Variants in ANK3 observed in about 807,000 individuals in gnomAD.
ANK3 encodes ankyrin 3, also known as ankyrin-3.
A neutral mutation model predicts 370.9 loss-of-function variants in ANK3; 57 were observed. The ratio of observed to expected loss-of-function variants is 0.15; its 90% CI spans 0.12 to 0.19. The LOEUF (loss-of-function observed/expected upper bound fraction) is 0.19, where lower values mean the gene tolerates loss of function less well. ANK3 is among the 10% of genes least tolerant of loss of function. The pLI is 1.00. For synonymous variants in ANK3, 1,929 were observed against 1,946.3 expected, an observed-to-expected ratio of 0.99 and a Z score of 0.23; for missense variants, 4,439 against 5,302.1, an observed-to-expected ratio of 0.84 and a Z score of 5.06.
intron 21 of ANK3, among the ~76,000 whole-genome samples, chr10:60,167,661 TTTTTTG>T (rs201704863): frequency 0.015 from 2,269 of 152,230 alleles, 68 homozygotes; most frequent in African/African-American, 0.052. Flanking sequence ...AGTGAGTTTT[TTTTTTG>T]TTTTGTTTTG....
At chr10:60,566,208 C>T (rs1303333295) in intron 2 of ANK3, among the ~76,000 whole-genome samples, 1 of 152,124 alleles carries the variant, frequency 6.6e-6, no homozygotes, top group Non-Finnish European at 1.5e-5. Flanking sequence ...TATGTGTGTT[C>T]TGACTGCTCC....
rs55680239 is a variant in ANK3 at position 60,108,898 on chromosome 10, G to A, written c.3105C>T (p.Pro1035=). The change falls in exon 27 of 44, where the codon CCC becomes CCT. Residue 1035 remains proline, a synonymous_variant. Transcript: ENST00000280772. ...VKRHKLANPP[P]MVEGEGLASR... is the part of the protein sequence containing the mutation. The stretch of plus-strand genomic sequence containing the variant: ...TGGCTAATCCCTCTCCTTCCACCAT[G>A]GGGGGTGGGTTGGCCAGTTTATGTC... The A allele has an allele frequency of 1.8e-5, 29 of 1,613,920 alleles. No individual in the cohort carries two copies. The African/African-American group carries it at 2.9e-4, about 16-fold the overall frequency.
At chr10:60,267,279 T>C (rs1334627403) in intron 5 of ANK3, among the ~76,000 whole-genome samples, 2 of 152,164 alleles carry the variant, frequency 1.3e-5, no homozygotes, top group Non-Finnish European at 2.9e-5. Context: ...ATACAGTAAT[T>C]AGAATATCAT....
chr10:60,459,768 A>G (rs1260971993), intron 2 of ANK3, among the ~76,000 whole-genome samples: 1 of 152,132 alleles, frequency 6.6e-6, no homozygotes, highest in Non-Finnish European at 1.5e-5. Flanking sequence ...AGTTCCTTCA[A>G]TGGGCTCCTA....
chr10:60,575,481 A>G (rs1174433583), intron 2 of ANK3, among the ~76,000 whole-genome samples: 3 of 152,218 alleles, frequency 2.0e-5, no homozygotes, highest in African/African-American at 7.2e-5. Flanking sequence ...ATCAGGTCTG[A>G]CAGAAAACCC....
rs543944677 is a variant in ANK3 at position 60,237,814 on chromosome 10, T to C, written c.799-3028A>G. Reference sequence around the variant, plus strand: ...CAGCGTTGTAAAGGACCTGAACTTCTGTAATTTCATTTTACCCTCACAGCA... The same window carrying C: ...CAGCGTTGTAAAGGACCTGAACTTCCGTAATTTCATTTTACCCTCACAGCA... On this transcript the variant is annotated intron_variant, in intron 7 of 43. Coordinates refer to ENST00000280772, the MANE Select transcript of ANK3 (RefSeq NM_020987.5). 7.7e-4 allele frequency among the ~76,000 whole-genome samples: 117 copies of C among 152,318 alleles called. 1 individual carries two copies. The highest frequency in any genetic ancestry group is 2.8e-3 in the African/African-American group (115 of 41,560).
chr10:60,296,051 C>T (rs915430385), intron 1 of ANK3, among the ~76,000 whole-genome samples: 3 of 152,118 alleles, frequency 2.0e-5, no homozygotes, highest in Non-Finnish European at 4.4e-5. Context: ...AACATTTAAG[C>T]AAAAGGCAAG....
chr10:60,253,465 A>G (rs992093824), intron 7 of ANK3, among the ~76,000 whole-genome samples: 2 of 152,250 alleles, frequency 1.3e-5, no homozygotes, highest in Non-Finnish European at 2.9e-5. Context: ...ATAAATGGAC[A>G]TCAGATAAAA....
intron 1 of ANK3, among the ~76,000 whole-genome samples, chr10:60,680,856 T>C (rs1162329297): frequency 6.6e-6 from 1 of 152,178 alleles, no homozygotes; most frequent in Non-Finnish European, 1.5e-5. Flanking sequence ...CATGCCTCAG[T>C]TTCTTTAACT....
At chr10:60,237,656 T>G (rs2097354686) in intron 7 of ANK3, among the ~76,000 whole-genome samples, 1 of 152,042 alleles carries the variant, frequency 6.6e-6, no homozygotes, top group Non-Finnish European at 1.5e-5. Flanking sequence ...TTAGGGTACA[T>G]GTGCACAATG....
At chr10:60,686,509 G>A (rs950756116) in intron 1 of ANK3, among the ~76,000 whole-genome samples, 2 of 152,074 alleles carry the variant, frequency 1.3e-5, no homozygotes, top group Admixed American at 6.5e-5. Context: ...GCAATATCTT[G>A]TATAGTTAAT....
chr10:60,180,594 C>CAAAAAAAAAAAAAA lies in ANK3; in HGVS notation c.2184+721_2184+734dup, dbSNP rs58386273. Among the ~76,000 whole-genome samples the CAAAAAAAAAAAAAA allele has an allele frequency of 3.0e-4, 19 of 63,406 alleles. 2 individuals carry two copies. The highest frequency in any genetic ancestry group is 6.6e-4 in the Admixed American group (3 of 4,522). The allele number at this position is 63,406 out of a possible 152,430, so 41.6% of individuals were successfully genotyped here. On this transcript the variant is annotated intron_variant, in intron 18 of 43. Transcript: ENST00000280772. ...CTGGTAACAGAGTGAGACTCCGTCT[C>CAAAAAAAAAAAAAA]AAAAAAAAAAAAAAAAAAACCAAAA...
Position 60,469,011 on chromosome 10 carries a change from ATATATATACCACTTTTAGTG to A in ANK3, c.96+146155_96+146174del, listed in dbSNP as rs1451029148. 3.4e-3 allele frequency among the ~76,000 whole-genome samples: 342 copies of A among 100,104 alleles called. 27 individuals are homozygous for A. Among genetic ancestry groups the A allele is most frequent in the Non-Finnish European group, 5.3e-3 (238 of 45,206 alleles). The allele number at this position is 100,104 out of a possible 152,430, so 65.7% of individuals were successfully genotyped here. On this transcript the variant is annotated intron_variant, in intron 2 of 43. Coordinates refer to the ANK3 transcript ENST00000373827. ...ACTTTTAGTGTGTATATATATATAT[ATATATATACCACTTTTAGTG>A]TATATATATATATATATATATATAC... is the stretch of plus-strand genomic sequence containing the variant.
At position 60,654,797 on chromosome 10, in the gene ANK3, T is replaced by C. The variant is rs147482051; in HGVS notation, c.58-39573A>G. 3.3e-4 allele frequency among the ~76,000 whole-genome samples: 51 copies of C among 152,346 alleles called. 1 individual carries two copies. In the East Asian group the frequency reaches 9.6e-3, roughly 29 times the overall value. On this transcript the variant is annotated intron_variant, in intron 1 of 43. Coordinates refer to the ANK3 transcript ENST00000373827. Reference sequence around the variant, plus strand: ...TCAAAACAATTATGAATTTAGAAAATGGATTGAAAAGTATTCCTTCCTCTA... The same window carrying C: ...TCAAAACAATTATGAATTTAGAAAACGGATTGAAAAGTATTCCTTCCTCTA...
chr10:60,443,698 T>A (rs1021798582), intron 2 of ANK3, among the ~76,000 whole-genome samples: 1 of 152,210 alleles, frequency 6.6e-6, no homozygotes, highest in Non-Finnish European at 1.5e-5. Context: ...CCCAGTGTGA[T>A]ACTGACAGAT....
chr10:60,471,279 C>T (rs1423267958), intron 2 of ANK3, among the ~76,000 whole-genome samples: 1 of 152,120 alleles, frequency 6.6e-6, no homozygotes, highest in Non-Finnish European at 1.5e-5. Flanking sequence ...AGAAAACAAA[C>T]AAACAAAAAC....
At chr10:60,558,905 A>T (rs756344599) in intron 2 of ANK3, among the ~76,000 whole-genome samples, 7 of 152,204 alleles carry the variant, frequency 4.6e-5, no homozygotes, top group Non-Finnish European at 1.0e-4. Context: ...TACTTTTACC[A>T]TCATGGAACA....
At chr10:60,459,805 A>G (rs967252144) in intron 2 of ANK3, among the ~76,000 whole-genome samples, 1 of 152,096 alleles carries the variant, frequency 6.6e-6, no homozygotes, top group African/African-American at 2.4e-5. Flanking sequence ...AGGAACTTAC[A>G]CACACTCTCC....
rs375990971 is a variant in ANK3 at position 60,240,308 on chromosome 10, T to A, written c.799-5522A>T. Among the ~76,000 whole-genome samples the A allele has an allele frequency of 6.8e-3, 540 of 79,106 alleles. 14 individuals are homozygous for A. Among genetic ancestry groups the A allele is most frequent in the African/African-American group, 1.0e-2 (305 of 30,518 alleles). The allele number at this position is 79,106 out of a possible 152,430, so 51.9% of individuals were successfully genotyped here. A position where few individuals can be genotyped will look rare whatever the true frequency, so the allele number is the denominator to read the frequency against. On this transcript the variant is annotated intron_variant, in intron 7 of 43. Coordinates refer to ENST00000280772, the MANE Select transcript of ANK3 (RefSeq NM_020987.5). ...TATATATATATATATATATATATAT[T>A]TTTTTTTCTTTTTGAGATAGAGTTT...
Sources: gnomAD v4.1 joint callset for allele counts (sites outside exome capture counted in the v4.1 genomes callset) on GRCh38, gnomAD v4.1.1 for gene constraint, MANE v1.5 for transcripts, NCBI Gene and HGNC (gene_info 2026-07-23, HGNC 2026-07-21) for gene names.